The following PER1 variants were observed in gnomAD, a reference collection of about 807,000 sequenced individuals.
PER1 encodes the protein period circadian regulator 1.
PER1 carries 87 observed loss-of-function variants against 125.9 expected under a neutral mutation model. That is an observed-to-expected ratio of 0.69 (90% CI 0.58 to 0.83). PER1 has a LOEUF of 0.83. Ranked by LOEUF, PER1 falls within the 40% of genes least tolerant of loss-of-function variation. The probability of loss-of-function intolerance (pLI) is 0.00; values close to 1 mark genes in which losing one functional copy is unlikely to be tolerated. For missense variants in PER1, 1,775 were observed against 1,722.8 expected (o/e 1.03, Z -0.54); for synonymous variants, 801 against 714.7 (o/e 1.12, Z -1.93).
Position 8,147,576 on chromosome 17 carries a change from G to T in PER1, c.1391C>A (p.Ala464Asp). The part of the protein sequence containing the change: ...FVLGRHKVRT[A>D]PLNEDVFTPP... ...AGTGAACACGTCCTCATTCAGGGGG[G>T]CCCTGTAGAGTGAAGAGTGAATCCA... Residue 464 changes from alanine (A) to aspartate (D), a missense_variant and splice_region_variant, in exon 12 of 23, where the codon GCC (alanine) becomes GAC (aspartate). Transcript: ENST00000317276. 1 of 1,613,226 alleles carries T rather than the reference G, an allele frequency of 6.2e-7. No individual in the cohort carries two copies. Among genetic ancestry groups the T allele is most frequent in the Non-Finnish European group, 8.5e-7 (1 of 1,179,410 alleles).
chr17:8,147,359 G>GTGGGGC lies in PER1; in HGVS notation c.1514_1519dup (p.Ser505_Pro506dup). ...CACGGCGCCGACTCCACAGAGTCCCGTGGGGCTGGGGCTGTGGACGGGCTG... is the reference window on the plus strand; with the variant it reads ...CACGGCGCCGACTCCACAGAGTCCCGTGGGGCTGGGGCTGGGGCTGTGGACGGGCTG... On this transcript the variant is annotated inframe_insertion, in exon 13 of 23. Coordinates refer to ENST00000317276, the MANE Select transcript of PER1 (RefSeq NM_002616.3). The GTGGGGC allele has an allele frequency of 1.2e-6, 2 of 1,613,770 alleles. No individual in the cohort carries two copies. The highest frequency in any genetic ancestry group is 1.6e-4 in the Middle Eastern group (1 of 6,062).
rs1169664774 is a variant in PER1, at chr17:8,142,574, G to A, written c.3259+75C>T. 1.8e-5 allele frequency: 29 copies of A among 1,577,294 alleles called. No homozygotes were observed. The South Asian group carries it at 2.1e-4, about 11-fold the overall frequency. On this transcript the variant is annotated intron_variant, in intron 20 of 22. Coordinates refer to ENST00000317276, the MANE Select transcript of PER1 (RefSeq NM_002616.3). Reference sequence around the variant, plus strand: ...CATCCCAGTGGCCTTAGGAAGCTCCGCCAAGACGGGGCCTGGGCTCCCGGC... The same window carrying A: ...CATCCCAGTGGCCTTAGGAAGCTCCACCAAGACGGGGCCTGGGCTCCCGGC...
chr17:8,149,494 C>T lies in PER1; in HGVS notation c.821G>A (p.Arg274His), dbSNP rs772890342. 8.1e-6 allele frequency: 13 copies of T among 1,613,600 alleles called. No individual in the cohort carries two copies. Among genetic ancestry groups the T allele is most frequent in the East Asian group, 2.2e-5 (1 of 44,872 alleles). ...GVFYGSTAPS[R>H]LPTWGTGASA... is the part of the protein sequence containing the mutation. ...GGCCCCTGTGCCCCAGGTGGGCAGG[C>T]GAGATGGAGCAGTGGAACCATAGAA... Residue 274 changes from arginine to histidine, a missense_variant, in exon 6 of 23, where the codon CGC (arginine) becomes CAC (histidine). Arg to His is a conservative substitution (Grantham distance 29). Transcript: ENST00000317276.
rs371501353 is a variant in PER1 at position 8,142,806 on chromosome 17, G to A, written c.3102C>T (p.Asp1034=). ...GCAGGTCACTGGAGCCGGAAAGTGC[G>A]TCCTGATTGGAGGACTCAGTGACCT... is the stretch of plus-strand genomic sequence containing the variant. ...LAEVTESSNQ[D]ALSGSSDLLE... is the part of the protein sequence containing the mutation. The change falls in exon 20 of 23, where the codon GAC becomes GAT. Residue 1034 remains aspartate, a synonymous_variant. Coordinates refer to ENST00000317276, the MANE Select transcript of PER1 (RefSeq NM_002616.3). 69 of 1,610,070 alleles carry A rather than the reference G, an allele frequency of 4.3e-5. No individual in the cohort carries two copies. The highest frequency in any genetic ancestry group is 5.3e-5 in the Non-Finnish European group (63 of 1,179,208).
chr17:8,140,948 TG>T lies in PER1; in HGVS notation c.*119del. ...CTGGTGATGGGGGTCCGGCCCCCTA[TG>T]GTGGGAGAAGCTGGGGCAGTTTCCC... On this transcript the variant is annotated 3_prime_UTR_variant, in exon 23 of 23. Coordinates refer to ENST00000317276, the MANE Select transcript of PER1 (RefSeq NM_002616.3). 8.5e-7 allele frequency: 1 copy of T among 1,176,190 alleles called. No individual in the cohort carries two copies. The highest frequency in any genetic ancestry group is 1.2e-6 in the Non-Finnish European group (1 of 824,880). 72.9% of individuals were successfully genotyped at this position (1,176,190 alleles called of 1,614,324 possible).
rs1008816205 is a variant in PER1, at chr17:8,142,406, G to A, written c.3312C>T (p.Ser1104=). The change falls in exon 21 of 23, where the codon TCC becomes TCT. Residue 1104 remains serine, a synonymous_variant. Coordinates refer to ENST00000317276, the MANE Select transcript of PER1 (RefSeq NM_002616.3). ...CCCGAGCAGCCCCAGCCTCAGCCTC[G>A]GAAGAGTCGATGCTGCCAAAGTATT... ...TSKYFGSIDS[S]EAEAGAARGG... 11 of 1,608,720 alleles carry A rather than the reference G, an allele frequency of 6.8e-6. No individual in the cohort carries two copies. Among genetic ancestry groups the A allele is most frequent in the Admixed American group, 3.4e-5 (2 of 58,512 alleles).
Position 8,145,938 on chromosome 17 carries a change from C to T in PER1, c.2218+20G>A, listed in dbSNP as rs1982403487. 1.3e-6 allele frequency: 2 copies of T among 1,576,434 alleles called. No homozygotes were observed. The highest frequency in any genetic ancestry group is 1.3e-5 in the African/African-American group (1 of 74,080). On this transcript the variant is annotated intron_variant, in intron 17 of 22. Coordinates refer to ENST00000317276, the MANE Select transcript of PER1 (RefSeq NM_002616.3). Reference sequence around the variant, plus strand: ...AGACCGGTGGAGCCCAAGCACTGCCCCCCAATTCCACACCCATACCCGACT... The same window carrying T: ...AGACCGGTGGAGCCCAAGCACTGCCTCCCAATTCCACACCCATACCCGACT...
Position 8,143,822 on chromosome 17 carries a change from G to C in PER1, c.2516C>G (p.Ala839Gly), listed in dbSNP as rs1982253506. 14 of 1,612,876 alleles carry C rather than the reference G, an allele frequency of 8.7e-6. No individual in the cohort carries two copies. The highest frequency in any genetic ancestry group is 1.2e-5 in the Non-Finnish European group (14 of 1,179,408). ...GTTCTGGTGGTGGCGTGAGCGCTTG[G>C]CTTTGGATCGGCAGTGGTGTCGGCG... Reference protein sequence around the residue: ...PSRRHHCRSKAKRSRHHQNPR... With the variant: ...PSRRHHCRSKGKRSRHHQNPR... Residue 839 changes from alanine to glycine, a missense_variant, in exon 19 of 23, where the codon GCC (alanine) becomes GGC (glycine). Ala to Gly is a moderately conservative substitution (Grantham distance 60, BLOSUM62 0). Transcript: ENST00000317276.
chr17:8,147,938 G>A (rs1186749392), intron 10 of PER1, 59 bp downstream of exon 10: 17 of 1,582,118 alleles, frequency 1.1e-5, no homozygotes, highest in Non-Finnish European at 1.2e-5. Flanking sequence ...ACAACCACAA[G>A]GGCAGCCACT....
rs764340432 is a variant in PER1 at position 8,146,465 on chromosome 17, G to A, written c.1945C>T (p.Arg649Cys). The A allele has an allele frequency of 1.9e-6, 3 of 1,613,754 alleles. No individual in the cohort carries two copies. Among genetic ancestry groups the A allele is most frequent in the East Asian group, 2.2e-5 (1 of 44,882 alleles). ...ESCNLPSTTK[R>C]KCASSSSYTT... ...TAGGAGGAGGAGGAGGCACATTTAC[G>A]CTTAGTGGTGCTGGGGAGGTTGCAG... Residue 649 changes from arginine (R) to cysteine (C), a missense_variant, in exon 16 of 23, where the codon CGT (arginine) becomes TGT (cysteine). By Grantham distance (180) the Arg-to-Cys change is radical (BLOSUM62 -3). Transcript: ENST00000317276.
chr17:8,143,942 G>A (rs749552532), intron 18 of PER1, 66 bp from the exon 19 acceptor site: 751 of 1,526,292 alleles, frequency 4.9e-4, no homozygotes, highest in Non-Finnish European at 6.4e-4. Flanking sequence ...TACCCACACT[G>A]CCCTGACACG....
chr17:8,142,308 G>C lies in PER1; in HGVS notation c.3410C>G (p.Ala1137Gly). 6.2e-7 allele frequency: 1 copy of C among 1,611,942 alleles called. No homozygotes were observed. Among genetic ancestry groups the C allele is most frequent in the Non-Finnish European group, 8.5e-7 (1 of 1,179,046 alleles). ...GTAGGTCATCATGACGCGCTGGTCA[G>C]CATTGGCCATGAGCAGCCAAATGGG... is the stretch of plus-strand genomic sequence containing the variant. Reference protein sequence around the residue: ...QDPIWLLMANADQRVMMTYQV... With the variant: ...QDPIWLLMANGDQRVMMTYQV... The change falls in exon 21 of 23, where the codon GCT (alanine) becomes GGT (glycine). Residue 1137 changes from alanine (A) to glycine (G), a missense_variant. By Grantham distance (60) the Ala-to-Gly change is moderately conservative. Transcript: ENST00000317276.
chr17:8,149,910 G>A (rs1982728805), intron 4 of PER1, 34 bp from the exon 5 acceptor site: 1 of 1,613,958 alleles, frequency 6.2e-7, no homozygotes, highest in African/African-American at 1.3e-5. Flanking sequence ...ATTCAGTAAG[G>A]AGGCTGCCTC....
At chr17:8,147,870 G>A in intron 10 of PER1, 43 bp from the exon 11 acceptor site, 1 of 1,610,256 alleles carries the variant, frequency 6.2e-7, no homozygotes, top group South Asian at 1.1e-5. Context: ...GGGAGGGAGA[G>A]CTGAGTAAGA....
chr17:8,146,146 A>G lies in PER1; in HGVS notation c.2039-9T>C, dbSNP rs1165563853. 1 of 1,581,512 alleles carries G rather than the reference A, an allele frequency of 6.3e-7. No individual in the cohort carries two copies. The highest frequency in any genetic ancestry group is 1.2e-5 in the South Asian group (1 of 86,000). On this transcript the variant is annotated splice_polypyrimidine_tract_variant and intron_variant, in intron 16 of 22. Transcript: ENST00000317276. ...CGCTGCTGACGGCGGATCTGTGCAG[A>G]GAGATGGTGCCAGTTACCATCCCCA...
rs78146161 is a variant in PER1 at position 8,140,647 on chromosome 17, C to T, written c.*421G>A. On this transcript the variant is annotated 3_prime_UTR_variant, in exon 23 of 23. Coordinates refer to ENST00000317276, the MANE Select transcript of PER1 (RefSeq NM_002616.3). ...CAGAGCAGCTAGGGGCTGGAACCCC[C>T]GGGTCCTGCTTGGGCCTCAGGCTCT... The T allele has an allele frequency of 4.8e-5, 12 of 247,464 alleles. 1 individual carries two copies. The South Asian group carries it at 1.4e-3, about 28-fold the overall frequency. 15.3% of individuals were successfully genotyped at this position (247,464 alleles called of 1,614,324 possible).
Position 8,146,761 on chromosome 17 carries a change from T to G in PER1, c.1740A>C (p.Thr580=). 1 of 1,609,338 alleles carries G rather than the reference T, an allele frequency of 6.2e-7. No homozygotes were observed. Among genetic ancestry groups the G allele is most frequent in the South Asian group, 1.1e-5 (1 of 90,470 alleles). The change falls in exon 15 of 23, where the codon ACA becomes ACC. Residue 580 remains threonine, a synonymous_variant. Coordinates refer to ENST00000317276, the MANE Select transcript of PER1 (RefSeq NM_002616.3). ...GAAGGGCCTTGGCCTTGAACGTGCC[T>G]GTAGCTGGGGCAAAGAGAGAAAGAG... ...RPQSRPRLPA[T]GTFKAKALPC...
Position 8,146,780 on chromosome 17 carries a change from G to C in PER1, c.1736-15C>G, listed in dbSNP as rs1982475728. 1 of 1,608,482 alleles carries C rather than the reference G, an allele frequency of 6.2e-7. No homozygotes were observed. Among genetic ancestry groups the C allele is most frequent in the Non-Finnish European group, 8.5e-7 (1 of 1,177,616 alleles). ...CGTGCCTGTAGCTGGGGCAAAGAGAGAAAGAGGAAAATAGCCTTCTCAAGC... is the reference window on the plus strand; with the variant it reads ...CGTGCCTGTAGCTGGGGCAAAGAGACAAAGAGGAAAATAGCCTTCTCAAGC... On this transcript the variant is annotated splice_polypyrimidine_tract_variant and intron_variant, in intron 14 of 22. Transcript: ENST00000317276.
At position 8,147,776 on chromosome 17, in the gene PER1, G is replaced by A. The variant is rs750316635; in HGVS notation, c.1286C>T (p.Ala429Val). ...CATGGTGACATACTCCCCGTTGCGG[G>A]CACAGAAGCGGATAGGGGAGTGGTC... ...PFDHSPIRFCARNGEYVTMDT... is the reference protein window; with the variant it reads ...PFDHSPIRFCVRNGEYVTMDT... Residue 429 changes from alanine (A) to valine (V), a missense_variant, in exon 11 of 23, where the codon GCC becomes GTC. By Grantham distance (64) the Ala-to-Val change is moderately conservative. Coordinates refer to ENST00000317276, the MANE Select transcript of PER1 (RefSeq NM_002616.3). 3 of 1,614,048 alleles carry A rather than the reference G, an allele frequency of 1.9e-6. No homozygotes were observed. In the East Asian group the frequency reaches 6.7e-5, roughly 36 times the overall value.
Sources: gnomAD v4.1 joint callset for allele counts on GRCh38, gnomAD v4.1.1 for gene constraint, MANE v1.5 for transcripts, NCBI Gene and HGNC (gene_info 2026-07-23, HGNC 2026-07-21) for gene names.